Variants in ROCK1 observed in about 807,000 individuals in gnomAD.
ROCK1 encodes the protein Rho associated coiled-coil containing protein kinase 1.
In ROCK1, 36 loss-of-function variants were observed where a neutral mutation model predicts 196.8. That is an observed-to-expected ratio of 0.18 (90% CI 0.14 to 0.24). The LOEUF (loss-of-function observed/expected upper bound fraction) is 0.24. Among genes scored for constraint, ROCK1 ranks in the 10% least tolerant of loss-of-function variants. The pLI is 1.00. For missense variants in ROCK1, 920 were observed against 1,562.0 expected, an observed-to-expected ratio of 0.59 and a Z score of 6.93; for synonymous variants, 443 against 515.9, an observed-to-expected ratio of 0.86 and a Z score of 1.91.
At chr18:21,109,034 C>A (rs2036726722) in intron 1 of ROCK1, among the ~76,000 whole-genome samples, 1 of 152,180 alleles carries the variant, frequency 6.6e-6, no homozygotes, top group South Asian at 2.1e-4. Flanking sequence ...CTCTTGAGTA[C>A]CCTCTACCTA....
At chr18:21,103,965 A>G (rs549125904) in intron 1 of ROCK1, among the ~76,000 whole-genome samples, 20 of 152,318 alleles carry the variant, frequency 1.3e-4, no homozygotes, top group African/African-American at 4.8e-4. Flanking sequence ...TTGCAGTACT[A>G]CCTGTTCATC....
At position 21,009,422 on chromosome 18, in the gene ROCK1, A is replaced by T. The variant is rs182774064; in HGVS notation, c.1411-1228T>A. On this transcript the variant is annotated intron_variant, in intron 13 of 32. Coordinates refer to ENST00000399799, the MANE Select transcript of ROCK1 (RefSeq NM_005406.3). The stretch of plus-strand genomic sequence containing the variant: ...TTGTGGCTGAGTATTCCATGGTACA[A>T]ATGTACCGAAGTTTGTTCAACCATT... 3.0e-3 allele frequency among the ~76,000 whole-genome samples: 458 copies of T among 152,104 alleles called. 2 individuals are homozygous for T. The highest frequency in any genetic ancestry group is 0.01 in the African/African-American group (435 of 41,466).
intron 1 of ROCK1, among the ~76,000 whole-genome samples, chr18:21,077,130 C>T (rs1484755926): frequency 2.6e-5 from 4 of 151,580 alleles, no homozygotes; most frequent in Non-Finnish European, 5.9e-5. Context: ...CCCACCACCG[C>T]GCCCGGCTAA....
At chr18:21,022,842 T>C (rs1198583100) in intron 11 of ROCK1, among the ~76,000 whole-genome samples, 1 of 152,078 alleles carries the variant, frequency 6.6e-6, no homozygotes. Context: ...TGCAAAAATA[T>C]GGTGTGTGTG....
chr18:21,028,627 T>G lies in ROCK1; in HGVS notation c.1211+149A>C, dbSNP rs566420969. ...GGATGAGTCCAAGAGAAATTAAATATGAAATACTGGAAATATCATGCATCA... is the reference window on the plus strand; with the variant it reads ...GGATGAGTCCAAGAGAAATTAAATAGGAAATACTGGAAATATCATGCATCA... On this transcript the variant is annotated intron_variant, in intron 10 of 32. Transcript: ENST00000399799. 13 of 734,966 alleles carry G rather than the reference T, an allele frequency of 1.8e-5. No homozygotes were observed. The Admixed American group carries it at 2.9e-4, about 16-fold the overall frequency. 45.5% of individuals were successfully genotyped at this position (734,966 alleles called of 1,614,324 possible).
chr18:21,046,702 T>C (rs1046106490), intron 4 of ROCK1, among the ~76,000 whole-genome samples: 8 of 152,122 alleles, frequency 5.3e-5, no homozygotes, highest in Non-Finnish European at 1.0e-4. Flanking sequence ...TTTAAGTAAA[T>C]ACAAGAAGTT....
chr18:21,109,551 C>A (rs1568412803), intron 1 of ROCK1, among the ~76,000 whole-genome samples: 1 of 152,166 alleles, frequency 6.6e-6, no homozygotes, highest in Non-Finnish European at 1.5e-5. Flanking sequence ...ATCTATTACG[C>A]ATCAACCTTC....
At chr18:20,967,173 T>C (rs2035382041) in intron 26 of ROCK1, 97 bp from the exon 27 acceptor site, 2 of 824,448 alleles carry the variant, frequency 2.4e-6, no homozygotes, top group South Asian at 3.5e-5. Flanking sequence ...ATACTAAAAA[T>C]GTACAGTAAA....
intron 1 of ROCK1, among the ~76,000 whole-genome samples, chr18:21,093,984 T>TG (rs2036592467): frequency 6.7e-6 from 1 of 149,338 alleles, no homozygotes; most frequent in Non-Finnish European, 1.5e-5. Flanking sequence ...AGTCAAGGAG[T>TG]GGGCACCTGG....
chr18:21,028,459 G>A (rs1252520139), intron 10 of ROCK1, among the ~76,000 whole-genome samples: 1 of 151,940 alleles, frequency 6.6e-6, no homozygotes, highest in Non-Finnish European at 1.5e-5. Context: ...TCTACATGTT[G>A]TTTCAAAATG....
At chr18:21,027,229 G>C (rs1192055945) in intron 10 of ROCK1, among the ~76,000 whole-genome samples, 1 of 152,124 alleles carries the variant, frequency 6.6e-6, no homozygotes, top group Non-Finnish European at 1.5e-5. Flanking sequence ...GTGAGCCACC[G>C]TGCCTGGCCG....
At chr18:21,044,584 C>T (rs1244545224) in intron 5 of ROCK1, among the ~76,000 whole-genome samples, 3 of 152,254 alleles carry the variant, frequency 2.0e-5, no homozygotes, top group Non-Finnish European at 4.4e-5. Flanking sequence ...AGCAACTGCA[C>T]ACAGGATTCA....
At chr18:20,989,220 G>A (rs2035602178) in intron 18 of ROCK1, among the ~76,000 whole-genome samples, 1 of 152,266 alleles carries the variant, frequency 6.6e-6, no homozygotes, top group East Asian at 1.9e-4. Flanking sequence ...CAAGATAATA[G>A]CTACTGAAAA....
chr18:21,073,919 G>A (rs561605300), intron 1 of ROCK1, among the ~76,000 whole-genome samples: 2 of 152,240 alleles, frequency 1.3e-5, no homozygotes, highest in Admixed American at 6.5e-5. Context: ...TTGGGAGATC[G>A]AGACAGGAGG....
In ROCK1 at chr18:20,967,810, C is replaced by T; in HGVS notation, c.3134G>A (p.Arg1045Lys). The T allele has an allele frequency of 6.2e-7, 1 of 1,609,318 alleles. No individual in the cohort carries two copies. Reference sequence around the variant, plus strand: ...CACTACCATCTGGTTGAATTTCTCTCTTTCTTGGTTGAGTTCCAGTTGCAG... The same window carrying T: ...CACTACCATCTGGTTGAATTTCTCTTTTTCTTGGTTGAGTTCCAGTTGCAG... ...RKLQLELNQE[R>K]EKFNQMVVKH... Residue 1045 changes from arginine to lysine, a missense_variant, in exon 26 of 33, where the codon AGA becomes AAA. Coordinates refer to ENST00000399799, the MANE Select transcript of ROCK1 (RefSeq NM_005406.3).
At chr18:20,997,222 A>C (rs1449274252) in intron 16 of ROCK1, among the ~76,000 whole-genome samples, 1 of 152,224 alleles carries the variant, frequency 6.6e-6, no homozygotes, top group Non-Finnish European at 1.5e-5. Flanking sequence ...TCTGTTGACT[A>C]CAAGAAACAC....
At position 21,020,160 on chromosome 18, in the gene ROCK1, TG is replaced by T; in HGVS notation, c.1351del (p.Gln451ArgfsTer8). On this transcript the variant is annotated frameshift_variant, in exon 12 of 33. Transcript: ENST00000399799. LOFTEE classifies it high-confidence loss of function. ...TAAAGTATATTCTCACCTGCACTTC[TG>T]CTCCATTTCATCTTTTAACTGCATT... ...NEMQLKDEME[Q>X]KCRTSNIKLD... is the part of the protein sequence containing the mutation. 1.3e-6 allele frequency: 2 copies of T among 1,591,916 alleles called. No homozygotes were observed. The highest frequency in any genetic ancestry group is 1.1e-5 in the South Asian group (1 of 88,440).
rs185458989 is a variant in ROCK1, at chr18:21,071,768, C to T, written c.94-1155G>A. ...GTCAAAACATTAAAAAAATAAAGAA[C>T]CAGGCAAAAGCATTTTAAAGAAAAA... is the stretch of plus-strand genomic sequence containing the variant. On this transcript the variant is annotated intron_variant, in intron 1 of 32. Transcript: ENST00000399799. Among the ~76,000 whole-genome samples the T allele has an allele frequency of 5.3e-5, 8 of 152,058 alleles. No individual in the cohort carries two copies. In the East Asian group the frequency reaches 1.5e-3, roughly 29 times the overall value.
chr18:20,959,120 AATATATATATT>A (rs1568367471), intron 29 of ROCK1, among the ~76,000 whole-genome samples: 13 of 53,312 alleles, frequency 2.4e-4, no homozygotes, highest in Non-Finnish European at 3.7e-4. Context: ...TATATTATAT[AATATATATATT>A]ATATATATTA....
Sources: allele counts gnomAD v4.1 joint callset (sites outside exome capture counted in the v4.1 genomes callset), GRCh38; gene constraint gnomAD v4.1.1; transcripts MANE v1.5; gene names NCBI Gene and HGNC (gene_info 2026-07-23, HGNC 2026-07-21).